The following ZFHX3 variants were observed in gnomAD, a reference collection of about 807,000 sequenced individuals.
ZFHX3 encodes zinc finger homeobox protein 3.
In ZFHX3, 42 loss-of-function variants were observed where a neutral mutation model predicts 279.1. That is an observed-to-expected ratio of 0.15 (90% CI 0.12 to 0.19). ZFHX3 has a LOEUF of 0.19. ZFHX3 is among the 10% of genes least tolerant of loss of function. The pLI, the probability that ZFHX3 is intolerant of heterozygous loss-of-function variation, is 1.00. For missense variants in ZFHX3, 4,981 were observed against 4,754.0 expected (o/e 1.05, Z -1.40); for synonymous variants, 2,293 against 1,957.8 (o/e 1.17, Z -4.52).
At chr16:73,485,099 T>C (rs2018949874) in intron 2 of ZFHX3, among the ~76,000 whole-genome samples, 1 of 151,980 alleles carries the variant, frequency 6.6e-6, no homozygotes, top group African/African-American at 2.4e-5. Flanking sequence ...ATTTGGGAAA[T>C]TAACAAAAAT....
intron 3 of ZFHX3, among the ~76,000 whole-genome samples, chr16:73,433,350 C>A (rs961217946): frequency 1.3e-5 from 2 of 152,180 alleles, no homozygotes; most frequent in African/African-American, 4.8e-5. Flanking sequence ...GGTATATGCA[C>A]GCAGCCTGTA....
chr16:73,220,822 T>A (rs900972742), intron 5 of ZFHX3, among the ~76,000 whole-genome samples: 2 of 152,086 alleles, frequency 1.3e-5, no homozygotes, highest in Non-Finnish European at 2.9e-5. Context: ...AATAACATCC[T>A]CCTTTTTGTA....
chr16:73,284,556 C>T (rs961712088), intron 4 of ZFHX3, among the ~76,000 whole-genome samples: 13 of 152,020 alleles, frequency 8.6e-5, no homozygotes, highest in East Asian at 1.9e-4. Flanking sequence ...CATATGTCAC[C>T]GAGTATGAAA....
chr16:73,370,448 G>A lies in ZFHX3; in HGVS notation c.-1290-52112C>T, dbSNP rs539989552. On this transcript the variant is annotated intron_variant, in intron 3 of 17. Coordinates refer to the ZFHX3 transcript ENST00000641206. ...AGAGCTTCAGGGCAGTGGGGACAAG[G>A]CAAAGCTGGCACATACATGTGCCAT... Among the ~76,000 whole-genome samples, 4 of 152,326 alleles carry A rather than the reference G, an allele frequency of 2.6e-5. No individual in the cohort carries two copies. In the South Asian group the frequency reaches 6.2e-4, roughly 24 times the overall value.
At chr16:73,311,223 G>A (rs1256191277) in intron 4 of ZFHX3, among the ~76,000 whole-genome samples, 1 of 151,508 alleles carries the variant, frequency 6.6e-6, no homozygotes, top group Non-Finnish European at 1.5e-5. Flanking sequence ...ACAAGAGAGA[G>A]ACTTCGTCTC....
chr16:73,517,039 CT>C (rs1734333474), intron 2 of ZFHX3, among the ~76,000 whole-genome samples: 3 of 151,432 alleles, frequency 2.0e-5, no homozygotes, highest in Non-Finnish European at 4.4e-5. Context: ...CTTCTGCCTG[CT>C]AGCACCCTCG....
chr16:73,428,894 G>A (rs2017859947), intron 3 of ZFHX3, among the ~76,000 whole-genome samples: 1 of 152,110 alleles, frequency 6.6e-6, no homozygotes, highest in Non-Finnish European at 1.5e-5. Context: ...GCCTCACCAT[G>A]TTAAATATCC....
intron 2 of ZFHX3, among the ~76,000 whole-genome samples, chr16:73,561,090 ATTAT>A (rs1355847668): frequency 6.6e-6 from 1 of 152,232 alleles, no homozygotes; most frequent in Non-Finnish European, 1.5e-5. Flanking sequence ...CTGAAAAGAA[ATTAT>A]TTGTTGATTA....
At chr16:73,372,347 C>T (rs1008048573) in intron 3 of ZFHX3, among the ~76,000 whole-genome samples, 6 of 152,114 alleles carry the variant, frequency 3.9e-5, no homozygotes, top group African/African-American at 9.7e-5. Flanking sequence ...GAAATATCTG[C>T]GCTCTGCTTA....
chr16:73,834,631 G>T (rs976876148), intron 1 of ZFHX3, among the ~76,000 whole-genome samples: 7 of 152,328 alleles, frequency 4.6e-5, no homozygotes, highest in Admixed American at 4.6e-4. Context: ...GGTGGCTCAC[G>T]CCTGTAATCC....
chr16:73,311,694 T>C (rs186903369), intron 4 of ZFHX3, among the ~76,000 whole-genome samples: 42 of 152,098 alleles, frequency 2.8e-4, no homozygotes, highest in African/African-American at 1.0e-3. Context: ...TTTTCTATAT[T>C]TCTGAAATAC....
At chr16:73,058,801 T>TGCCGCC (rs1332141778) in exon 1 of ZFHX3, 2 of 151,980 alleles carry the variant, frequency 1.3e-5, no homozygotes, top group African/African-American at 5.2e-5. Context: ...CCGCCGCCGC[T>TGCCGCC]GCCGCCGAGC....
rs550582793 is a variant in ZFHX3, at chr16:73,729,898, G to A, written c.-1607-49658C>T. On this transcript the variant is annotated intron_variant, in intron 1 of 17. Transcript: ENST00000641206. ...GCTGCCTCAGTAACCGTCTCTACCAGTTAAGTTAGTGTAAAAAATATGTAC... is the reference window on the plus strand; with the variant it reads ...GCTGCCTCAGTAACCGTCTCTACCAATTAAGTTAGTGTAAAAAATATGTAC... 2.2e-3 allele frequency among the ~76,000 whole-genome samples: 337 copies of A among 152,240 alleles called. 1 individual carries two copies. Among genetic ancestry groups the A allele is most frequent in the African/African-American group, 7.5e-3 (312 of 41,542 alleles).
rs112630002 is a variant in ZFHX3 at position 72,969,224 on chromosome 16, G to A, written c.-49-9030C>T. Among the ~76,000 whole-genome samples the A allele has an allele frequency of 4.6e-3, 707 of 152,176 alleles. 2 individuals are homozygous for A. The highest frequency in any genetic ancestry group is 8.8e-3 in the Admixed American group (134 of 15,284). The stretch of plus-strand genomic sequence containing the variant: ...TGCTCCCAGCAGAGCTTCAAAAAAG[G>A]AAGTGGCTGTGAGGCTGGACAGAGA... On this transcript the variant is annotated intron_variant, in intron 1 of 9. Transcript: ENST00000268489.
At chr16:73,356,176 C>T (rs1029291309) in intron 3 of ZFHX3, among the ~76,000 whole-genome samples, 1 of 152,204 alleles carries the variant, frequency 6.6e-6, no homozygotes, top group Non-Finnish European at 1.5e-5. Context: ...TCACCCCCCG[C>T]CGACCATTGC....
chr16:73,792,354 G>C (rs1196170746), intron 1 of ZFHX3, among the ~76,000 whole-genome samples: 1 of 152,100 alleles, frequency 6.6e-6, no homozygotes, highest in East Asian at 1.9e-4. Flanking sequence ...CACGCCAAAA[G>C]AAGTGCCACA....
At chr16:73,651,238 A>G (rs1309829680) in intron 2 of ZFHX3, among the ~76,000 whole-genome samples, 1 of 29,750 alleles carries the variant, frequency 3.4e-5, no homozygotes, top group East Asian at 4.6e-3. Context: ...TACGAGGAGA[A>G]AAAAAAAAAG....
chr16:73,234,206 G>A (rs763901726), intron 5 of ZFHX3, among the ~76,000 whole-genome samples: 1 of 152,112 alleles, frequency 6.6e-6, no homozygotes, highest in Non-Finnish European at 1.5e-5. Flanking sequence ...ATGCTGCAAG[G>A]CAGACAGTCA....
At chr16:73,561,614 G>A (rs74030112) in intron 2 of ZFHX3, among the ~76,000 whole-genome samples, 2,724 of 150,168 alleles carry the variant, frequency 0.018, 92 homozygotes, top group African/African-American at 0.063. Context: ...CATAAATTTG[G>A]AATTTTTCAA....
Sources: gnomAD v4.1 joint callset for allele counts (sites outside exome capture counted in the v4.1 genomes callset) on GRCh38, gnomAD v4.1.1 for gene constraint, MANE v1.5 for transcripts, NCBI Gene and HGNC (gene_info 2026-07-23, HGNC 2026-07-21) for gene names.